The following ZFPM2 variants were observed in gnomAD, a reference collection of about 807,000 sequenced individuals.
ZFPM2 encodes the protein zinc finger protein ZFPM2.
In ZFPM2, 20 loss-of-function variants were observed where a neutral mutation model predicts 98.6. The observed-to-expected ratio is 0.20, with a 90% CI of 0.14 to 0.29. The LOEUF (loss-of-function observed/expected upper bound fraction) is 0.29, where lower values mean the gene tolerates loss of function less well. Ranked by LOEUF, ZFPM2 falls within the 10% of genes least tolerant of loss-of-function variation. ZFPM2 has a pLI of 1.00. For missense variants in ZFPM2, 1,310 were observed against 1,388.6 expected (o/e 0.94, Z 0.90); for synonymous variants, 518 against 502.7 (o/e 1.03, Z -0.41).
At chr8:105,800,624 A>G (rs367926745) in intron 7 of ZFPM2, among the ~76,000 whole-genome samples, 2 of 152,192 alleles carry the variant, frequency 1.3e-5, no homozygotes, top group African/African-American at 4.8e-5. Context: ...ATTGTTTTCA[A>G]TAGCAACCCT....
In ZFPM2 at chr8:105,419,303, G is replaced by T. The variant is rs1334091230; in HGVS notation, c.199+1G>T. 1.9e-6 allele frequency: 3 copies of T among 1,612,728 alleles called. No individual in the cohort carries two copies. In the African/African-American group the frequency reaches 4.0e-5, roughly 22 times the overall value. On this transcript the variant is annotated splice_donor_variant, in intron 2 of 7. Coordinates refer to ENST00000407775, the MANE Select transcript of ZFPM2 (RefSeq NM_012082.4). LOFTEE classifies it high-confidence loss of function. Reference sequence around the variant, plus strand: ...GAAGTGGAATACTTTTGTAACAAAGGTAATTGTTGATGGTTGGATGTAATA... The same window carrying T: ...GAAGTGGAATACTTTTGTAACAAAGTTAATTGTTGATGGTTGGATGTAATA...
At chr8:105,670,481 G>A (rs1416847589) in intron 5 of ZFPM2, among the ~76,000 whole-genome samples, 5 of 135,680 alleles carry the variant, frequency 3.7e-5, no homozygotes, top group East Asian at 2.1e-4. Context: ...GGGCGACAGA[G>A]CGAGAGTCCA....
intron 5 of ZFPM2, among the ~76,000 whole-genome samples, chr8:105,742,060 G>A (rs1380507452): frequency 6.6e-6 from 1 of 151,968 alleles, no homozygotes; most frequent in East Asian, 1.9e-4. Context: ...GAAACTGGGT[G>A]TGGTGGCTCA....
rs374053781 is a variant in ZFPM2 at position 105,677,055 on chromosome 8, G to C, written c.532+42698G>C. Among the ~76,000 whole-genome samples, 45 of 152,110 alleles carry C rather than the reference G, an allele frequency of 3.0e-4. No individual in the cohort carries two copies. The South Asian group carries it at 9.3e-3, about 32-fold the overall frequency. On this transcript the variant is annotated intron_variant, in intron 5 of 7. Transcript: ENST00000407775. Reference sequence around the variant, plus strand: ...CCAGGTATATTAGATATTTCACATTGAATCTCTTATCATTCTCCCTTTGTC... The same window carrying C: ...CCAGGTATATTAGATATTTCACATTCAATCTCTTATCATTCTCCCTTTGTC...
chr8:105,574,946 A>G (rs950778503), intron 4 of ZFPM2, among the ~76,000 whole-genome samples: 4 of 152,006 alleles, frequency 2.6e-5, no homozygotes, highest in Non-Finnish European at 5.9e-5. Flanking sequence ...ATAGGAAAAA[A>G]AAAAATAGCA....
At chr8:105,364,069 A>G (rs1204001941) in intron 1 of ZFPM2, among the ~76,000 whole-genome samples, 1 of 152,070 alleles carries the variant, frequency 6.6e-6, no homozygotes, top group Non-Finnish European at 1.5e-5. Context: ...ATTCCTATAT[A>G]GTGGTCTTAG....
At chr8:105,625,772 G>A (rs1303394023) in intron 4 of ZFPM2, among the ~76,000 whole-genome samples, 2 of 151,670 alleles carry the variant, frequency 1.3e-5, no homozygotes, top group African/African-American at 4.8e-5. Context: ...TAGTAGAGAC[G>A]GGGTTTCACC....
At chr8:105,356,314 A>C (rs1812745388) in intron 1 of ZFPM2, among the ~76,000 whole-genome samples, 1 of 152,070 alleles carries the variant, frequency 6.6e-6, no homozygotes. Context: ...TTGTCAGCTG[A>C]CCTCTTCTAT....
intron 4 of ZFPM2, among the ~76,000 whole-genome samples, chr8:105,589,953 C>A (rs1293576646): frequency 6.6e-6 from 1 of 152,192 alleles, no homozygotes; most frequent in Non-Finnish European, 1.5e-5. Flanking sequence ...GAACTCCTGA[C>A]CTCGTGATCT....
intron 1 of ZFPM2, among the ~76,000 whole-genome samples, chr8:105,338,641 C>G (rs890288214): frequency 2.0e-5 from 3 of 151,736 alleles, no homozygotes; most frequent in Non-Finnish European, 2.9e-5. Flanking sequence ...ACCTTTTGTG[C>G]CATTCACTAG....
At chr8:105,336,092 T>A (rs569689302) in intron 1 of ZFPM2, among the ~76,000 whole-genome samples, 1 of 151,976 alleles carries the variant, frequency 6.6e-6, no homozygotes, top group Non-Finnish European at 1.5e-5. Context: ...GGGATTGAAT[T>A]ATACAATCAT....
chr8:105,330,334 A>G (rs1225127840), intron 1 of ZFPM2, among the ~76,000 whole-genome samples: 1 of 151,138 alleles, frequency 6.6e-6, no homozygotes, highest in East Asian at 2.0e-4. Context: ...AAGGTGCTGT[A>G]TTGCTGATAG....
chr8:105,559,164 A>G (rs1331175848), intron 3 of ZFPM2, among the ~76,000 whole-genome samples: 1 of 152,176 alleles, frequency 6.6e-6, no homozygotes, highest in African/African-American at 2.4e-5. Flanking sequence ...GATGAAAAAC[A>G]TTTTCAGAGG....
intron 5 of ZFPM2, among the ~76,000 whole-genome samples, chr8:105,682,174 A>G (rs1810621544): frequency 6.6e-6 from 1 of 152,124 alleles, no homozygotes; most frequent in Non-Finnish European, 1.5e-5. Context: ...TCATATTGCC[A>G]CTCTGTAATA....
rs1022626372 is a variant in ZFPM2 at position 105,784,432 on chromosome 8, A to C, written c.533-4286A>C. 2.1e-5 allele frequency among the ~76,000 whole-genome samples: 3 copies of C among 145,804 alleles called. 1 individual carries two copies. The highest frequency in any genetic ancestry group is 1.3e-4 in the Admixed American group (2 of 15,054). ...GTAGACAGATTTGTTCATTGAATTC[A>C]TAGGTGTGCCTTTTCTTTCTGGTGA... is the stretch of plus-strand genomic sequence containing the variant. On this transcript the variant is annotated intron_variant, in intron 5 of 7. Transcript: ENST00000407775.
At chr8:105,784,150 A>AGCT (rs1813342599) in intron 5 of ZFPM2, among the ~76,000 whole-genome samples, 1 of 152,196 alleles carries the variant, frequency 6.6e-6, no homozygotes, top group Non-Finnish European at 1.5e-5. Flanking sequence ...AACATGACTT[A>AGCT]GCATTTTCAT....
At chr8:105,607,440 T>G (rs1352388769) in intron 4 of ZFPM2, among the ~76,000 whole-genome samples, 1 of 152,014 alleles carries the variant, frequency 6.6e-6, no homozygotes, top group Non-Finnish European at 1.5e-5. Context: ...CCCTCTCACT[T>G]TCACTCTCAC....
At chr8:105,453,841 T>A (rs1812533976) in intron 3 of ZFPM2, among the ~76,000 whole-genome samples, 1 of 151,972 alleles carries the variant, frequency 6.6e-6, no homozygotes, top group African/African-American at 2.4e-5. Context: ...GCCAGGCTAG[T>A]CTCAAACTCC....
chr8:105,794,529 G>T (rs943015458), intron 6 of ZFPM2, among the ~76,000 whole-genome samples: 1 of 152,200 alleles, frequency 6.6e-6, no homozygotes, highest in African/African-American at 2.4e-5. Flanking sequence ...GGGGTCAGGG[G>T]TCAGGGACCC....
Sources: allele counts gnomAD v4.1 joint callset (sites outside exome capture counted in the v4.1 genomes callset), GRCh38; gene constraint gnomAD v4.1.1; transcripts MANE v1.5; gene names NCBI Gene and HGNC (gene_info 2026-07-23, HGNC 2026-07-21).